Variants in ARAP2 observed in about 807,000 individuals in gnomAD.
ARAP2 encodes arf-GAP with Rho-GAP domain, ANK repeat and PH domain-containing protein 2.
A neutral mutation model predicts 194.5 loss-of-function variants in ARAP2; 148 were observed. That is an observed-to-expected ratio of 0.76 (90% CI 0.67 to 0.87). The LOEUF (loss-of-function observed/expected upper bound fraction) is 0.87, where lower values mean the gene tolerates loss of function less well. ARAP2 is among the 40% of genes least tolerant of loss of function. The pLI is 0.00. For synonymous variants in ARAP2, 695 were observed against 683.5 expected (o/e 1.02, Z -0.26); for missense variants, 2,128 against 1,989.7 (o/e 1.07, Z -1.32).
At chr4:36,050,055 T>A (rs185883411) in intron 3 of ARAP2, among the ~76,000 whole-genome samples, 1 of 152,184 alleles carries the variant, frequency 6.6e-6, no homozygotes, top group East Asian at 1.9e-4. Flanking sequence ...TAGAAAGAGG[T>A]TTTTATAGTT....
In ARAP2 at chr4:36,039,951, A is replaced by T. The variant is rs114970353; in HGVS notation, n.607+6028T>A. Among the ~76,000 whole-genome samples the T allele has an allele frequency of 3.4e-3, 523 of 152,288 alleles. 3 individuals are homozygous for T. The highest frequency in any genetic ancestry group is 0.012 in the African/African-American group (493 of 41,568). On this transcript the variant is annotated intron_variant and non_coding_transcript_variant, in intron 5 of 12. Transcript: ENST00000503225. ...AGAAAACAGTGAATTGTGGAAAAGGAAATAAACTTTTTTAGTTTAGGGAAA... is the reference window on the plus strand; with the variant it reads ...AGAAAACAGTGAATTGTGGAAAAGGTAATAAACTTTTTTAGTTTAGGGAAA...
intron 5 of ARAP2, among the ~76,000 whole-genome samples, chr4:36,025,311 G>A (rs1717714471): frequency 6.6e-6 from 1 of 152,026 alleles, no homozygotes; most frequent in Non-Finnish European, 1.5e-5. Context: ...TAATTATTTT[G>A]TTCTTTTTCT....
intron 5 of ARAP2, among the ~76,000 whole-genome samples, chr4:36,043,843 G>C (rs1721328286): frequency 2.4e-5 from 1 of 42,538 alleles, no homozygotes. Flanking sequence ...GGGGAGGGGA[G>C]GGGGGAGGGG....
intron 4 of ARAP2, 52 bp from the exon 5 acceptor site, chr4:36,212,539 T>C: frequency 7.3e-7 from 1 of 1,366,644 alleles, no homozygotes; most frequent in Admixed American, 1.8e-5. Context: ...CTTTTTGGTT[T>C]GGGGATTTGT....
chr4:36,018,816 T>A (rs1026798541), intron 6 of ARAP2, among the ~76,000 whole-genome samples: 1 of 152,192 alleles, frequency 6.6e-6, no homozygotes, highest in Non-Finnish European at 1.5e-5. Flanking sequence ...ACTTTTAGCA[T>A]GTACTCTGGA....
rs1363869071 is a variant in ARAP2 at position 36,133,211 on chromosome 4, CT to C, written c.3427+14del. 6.2e-7 allele frequency: 1 copy of C among 1,608,676 alleles called. No individual in the cohort carries two copies. The highest frequency in any genetic ancestry group is 8.5e-7 in the Non-Finnish European group (1 of 1,176,802). On this transcript the variant is annotated intron_variant, in intron 20 of 32. Transcript: ENST00000303965. ...ATCAGTTCTAAGGGTTGAATAAAAA[CT>C]CAGTGATACTTACCATACTGTGTAA...
At chr4:36,086,247 T>C (rs1370202050) in intron 28 of ARAP2, among the ~76,000 whole-genome samples, 1 of 152,128 alleles carries the variant, frequency 6.6e-6, no homozygotes, top group African/African-American at 2.4e-5. Flanking sequence ...AGAAGCACTA[T>C]GCCTGAACCA....
intron 5 of ARAP2, among the ~76,000 whole-genome samples, chr4:36,044,324 G>A (rs1314739821): frequency 2.0e-5 from 3 of 152,172 alleles, no homozygotes; most frequent in East Asian, 1.9e-4. Flanking sequence ...AGAGAAAAAT[G>A]GAAGTAAACA....
Position 36,160,604 on chromosome 4 carries a change from A to G in ARAP2, c.2297T>C (p.Phe766Ser), listed in dbSNP as rs1310550381. 4.0e-6 allele frequency: 6 copies of G among 1,499,568 alleles called. No homozygotes were observed. 92.9% of individuals were successfully genotyped at this position (1,499,568 alleles called of 1,614,324 possible). ...ATCCTTTTGAAGATTACCAGCCCAA[A>G]AGTCATTTGCTCTTTTGTTTCCAAT... Reference protein sequence around the residue: ...IVIGNKRANDFWAGNLQKDEE... With the variant: ...IVIGNKRANDSWAGNLQKDEE... The change falls in exon 13 of 33, where the codon TTT (phenylalanine) becomes TCT (serine). Residue 766 changes from phenylalanine to serine, a missense_variant. Transcript: ENST00000303965.
intron 27 of ARAP2, among the ~76,000 whole-genome samples, chr4:36,101,339 TA>T (rs2109432348): frequency 6.6e-6 from 1 of 151,768 alleles, no homozygotes; most frequent in Admixed American, 6.6e-5. Context: ...TATTTATAAA[TA>T]GTTAAATTAT....
chr4:36,126,537 T>C (rs982725344), intron 21 of ARAP2, among the ~76,000 whole-genome samples: 2 of 152,012 alleles, frequency 1.3e-5, no homozygotes, highest in Non-Finnish European at 2.9e-5. Flanking sequence ...ACCTCAGGTA[T>C]ACAGTACATC....
intron 1 of ARAP2, among the ~76,000 whole-genome samples, chr4:36,235,935 G>A (rs190985086): frequency 6.6e-6 from 1 of 152,256 alleles, no homozygotes; most frequent in Admixed American, 6.5e-5. Context: ...GCAGCGCTTT[G>A]GGAGGCAGAG....
Position 36,228,685 on chromosome 4 carries a change from C to A in ARAP2, c.802G>T (p.Val268Leu). ...YVPSSPILAP[V>L]RSRSKLVSRP... ...GAAACCAACTTGCTACGACTTCTCA[C>A]AGGTGCTAGGATTGGTGATGATGGA... Residue 268 changes from valine to leucine, a missense_variant, in exon 2 of 33, where the codon GTG becomes TTG. By Grantham distance (32) the Val-to-Leu change is conservative. Transcript: ENST00000303965. 2 of 1,614,094 alleles carry A rather than the reference C, an allele frequency of 1.2e-6. No homozygotes were observed. The highest frequency in any genetic ancestry group is 1.7e-6 in the Non-Finnish European group (2 of 1,179,984).
rs73806476 is a variant in ARAP2, at chr4:36,123,525, C to T, written c.3746+1337G>A. Among the ~76,000 whole-genome samples, 808 of 151,824 alleles carry T rather than the reference C, an allele frequency of 5.3e-3. 11 individuals carry two copies. Among genetic ancestry groups the T allele is most frequent in the African/African-American group, 0.018 (761 of 41,494 alleles). On this transcript the variant is annotated intron_variant, in intron 22 of 32. Transcript: ENST00000303965. Reference sequence around the variant, plus strand: ...ACAAAATAGGTATAATATAGTGTTTCCTTTTCTTCCTTTACTTCTCTGCTC... The same window carrying T: ...ACAAAATAGGTATAATATAGTGTTTTCTTTTCTTCCTTTACTTCTCTGCTC...
At chr4:36,140,817 A>G (rs1423851720) in intron 19 of ARAP2, among the ~76,000 whole-genome samples, 1 of 151,718 alleles carries the variant, frequency 6.6e-6, no homozygotes, top group East Asian at 1.9e-4. Context: ...ATTTGCAATT[A>G]AAACTAAAAT....
At chr4:36,209,165 C>T (rs921058786) in intron 6 of ARAP2, among the ~76,000 whole-genome samples, 3 of 152,082 alleles carry the variant, frequency 2.0e-5, no homozygotes, top group African/African-American at 7.2e-5. Flanking sequence ...AGCACTTGGA[C>T]CTCCCTAAAT....
chr4:36,177,138 A>T (rs1057433010), intron 9 of ARAP2, among the ~76,000 whole-genome samples: 3 of 152,124 alleles, frequency 2.0e-5, no homozygotes, highest in Non-Finnish European at 4.4e-5. Flanking sequence ...AGAATCAAAC[A>T]AAGCTAACAG....
At chr4:36,156,431 GA>G (rs1297520612) in intron 15 of ARAP2, among the ~76,000 whole-genome samples, 5 of 21,924 alleles carry the variant, frequency 2.3e-4, no homozygotes, top group Admixed American at 1.1e-3. Context: ...AAGAAAGAAA[GA>G]AAGAAAGAAA....
intron 6 of ARAP2, among the ~76,000 whole-genome samples, chr4:36,199,424 T>C (rs1578248662): frequency 1.3e-5 from 2 of 152,314 alleles, no homozygotes; most frequent in East Asian, 3.9e-4. Context: ...ACGGAGTAGC[T>C]GGGACTACAG....
Sources: gnomAD v4.1 joint callset for allele counts (sites outside exome capture counted in the v4.1 genomes callset) on GRCh38, gnomAD v4.1.1 for gene constraint, MANE v1.5 for transcripts, NCBI Gene and HGNC (gene_info 2026-07-23, HGNC 2026-07-21) for gene names.